SLC27A6: variants seen among roughly 807,000 people sequenced by gnomAD.
SLC27A6 encodes the protein solute carrier family 27 member 6.
SLC27A6 carries 74 observed loss-of-function variants against 63.9 expected under a neutral mutation model. That is an observed-to-expected ratio of 1.16 (90% CI 0.96 to 1.40). The LOEUF (loss-of-function observed/expected upper bound fraction) is 1.40. Among genes scored for constraint, SLC27A6 ranks in the 40% most tolerant of loss-of-function variants. SLC27A6 has a pLI of 0.00. For missense variants in SLC27A6, 794 were observed against 732.9 expected (o/e 1.08, Z -0.96); for synonymous variants, 287 against 260.8 (o/e 1.10, Z -0.97).
chr5:128,983,103 G>A (rs1284658967), intron 1 of SLC27A6, among the ~76,000 whole-genome samples: 1 of 152,050 alleles, frequency 6.6e-6, no homozygotes, highest in Non-Finnish European at 1.5e-5. Flanking sequence ...TTGGCCTTTT[G>A]AGGGAACCAG....
intron 1 of SLC27A6, among the ~76,000 whole-genome samples, chr5:128,983,294 T>G (rs1489252648): frequency 1.4e-5 from 2 of 147,704 alleles, no homozygotes; most frequent in Non-Finnish European, 3.0e-5. Context: ...TCCGGGTTTT[T>G]TTTTTTTTTT....
At chr5:128,972,527 C>T (rs1750213764) in intron 1 of SLC27A6, among the ~76,000 whole-genome samples, 1 of 152,164 alleles carries the variant, frequency 6.6e-6, no homozygotes, top group Admixed American at 6.5e-5. Context: ...GATCTTCAAT[C>T]ACTGATACCC....
Position 129,028,444 on chromosome 5 carries a change from T to C in SLC27A6, c.1552+2T>C. 1 of 1,539,454 alleles carries C rather than the reference T, an allele frequency of 6.5e-7. No individual in the cohort carries two copies. Among genetic ancestry groups the C allele is most frequent in the Non-Finnish European group, 8.9e-7 (1 of 1,119,948 alleles). ...ACGTCTATGGTGTGGCTATATCAGGTATAAATATATTTCAGATTTTGGAAA... is the reference window on the plus strand; with the variant it reads ...ACGTCTATGGTGTGGCTATATCAGGCATAAATATATTTCAGATTTTGGAAA... On this transcript the variant is annotated splice_donor_variant, in intron 8 of 9. Transcript: ENST00000262462. LOFTEE classifies it high-confidence loss of function.
rs1336644923 is a variant in SLC27A6 at position 128,974,254 on chromosome 5, T to C, written c.481+7636T>C. ...CTTTGCTTGCCAATAACTAATTGCA[T>C]TGTTTTCTTATTTTTGTTTTTAACA... On this transcript the variant is annotated intron_variant, in intron 1 of 9. Transcript: ENST00000262462. Among the ~76,000 whole-genome samples the C allele has an allele frequency of 2.0e-5, 3 of 152,170 alleles. No individual in the cohort carries two copies. The South Asian group carries it at 6.2e-4, about 31-fold the overall frequency.
At position 128,966,043 on chromosome 5, in the gene SLC27A6, G is replaced by C. The variant is rs12188886; in HGVS notation, c.-95G>C. On this transcript the variant is annotated 5_prime_UTR_variant, in exon 1 of 10. Coordinates refer to ENST00000262462, the MANE Select transcript of SLC27A6 (RefSeq NM_001017372.3). Reference sequence around the variant, plus strand: ...GAACTTCAGGTGTAAGCCCTGAGTAGTGAGGATCTGCGGTCTCCGTGGAGA... The same window carrying C: ...GAACTTCAGGTGTAAGCCCTGAGTACTGAGGATCTGCGGTCTCCGTGGAGA... 2.3e-3 allele frequency: 3,282 copies of C among 1,439,014 alleles called. 8 individuals carry two copies. Among genetic ancestry groups the C allele is most frequent in the Non-Finnish European group, 2.9e-3 (3,140 of 1,078,518 alleles). The allele number at this position is 1,439,014 out of a possible 1,614,324, so 89.1% of individuals were successfully genotyped here. A position where few individuals can be genotyped will look rare whatever the true frequency, so the allele number is the denominator to read the frequency against.
chr5:128,982,922 T>C (rs1397520375), intron 1 of SLC27A6, among the ~76,000 whole-genome samples: 1 of 152,206 alleles, frequency 6.6e-6, no homozygotes, highest in Non-Finnish European at 1.5e-5. Flanking sequence ...ATAATTTCTG[T>C]GTTGCCTTCT....
chr5:128,999,443 C>T (rs1335805537), intron 4 of SLC27A6, among the ~76,000 whole-genome samples: 5 of 152,016 alleles, frequency 3.3e-5, no homozygotes, highest in Non-Finnish European at 4.4e-5. Context: ...ACTCTTTACG[C>T]TATATTGTCA....
At chr5:128,979,086 G>A (rs77163713) in intron 1 of SLC27A6, among the ~76,000 whole-genome samples, 4,247 of 151,676 alleles carry the variant, frequency 0.028, 189 homozygotes, top group African/African-American at 0.097. Flanking sequence ...AGAATACCAG[G>A]ATCATAAAGT....
intron 1 of SLC27A6, among the ~76,000 whole-genome samples, chr5:128,977,538 G>C (rs1003644092): frequency 6.6e-6 from 1 of 152,142 alleles, no homozygotes. Flanking sequence ...AGCAGGAGGA[G>C]AAAGGAGGAA....
chr5:129,001,107 C>G (rs1384489738), intron 4 of SLC27A6, among the ~76,000 whole-genome samples: 1 of 152,186 alleles, frequency 6.6e-6, no homozygotes, highest in African/African-American at 2.4e-5. Flanking sequence ...CACCCAAACT[C>G]AGGCTTGAGT....
intron 3 of SLC27A6, among the ~76,000 whole-genome samples, chr5:128,989,986 A>C (rs560204573): frequency 1.3e-5 from 2 of 152,050 alleles, no homozygotes; most frequent in East Asian, 3.9e-4. Flanking sequence ...TAATATGTAT[A>C]TATTCCAGTT....
intron 2 of SLC27A6, among the ~76,000 whole-genome samples, chr5:128,986,601 T>C (rs73784807): frequency 6.6e-6 from 1 of 152,160 alleles, no homozygotes; most frequent in East Asian, 1.9e-4. Flanking sequence ...AGAACAGTTT[T>C]GATAAATGAA....
At chr5:128,977,320 C>T (rs1750423847) in intron 1 of SLC27A6, among the ~76,000 whole-genome samples, 1 of 152,124 alleles carries the variant, frequency 6.6e-6, no homozygotes, top group African/African-American at 2.4e-5. Context: ...CTTGAGGCTG[C>T]ATCAACATCT....
At chr5:129,013,800 G>A (rs1485737678) in intron 4 of SLC27A6, among the ~76,000 whole-genome samples, 2 of 151,830 alleles carry the variant, frequency 1.3e-5, no homozygotes, top group Non-Finnish European at 2.9e-5. Flanking sequence ...CCACTTGTAG[G>A]TATTTTTGGC....
intron 7 of SLC27A6, among the ~76,000 whole-genome samples, chr5:129,027,543 A>C (rs1752285430): frequency 6.6e-6 from 1 of 152,140 alleles, no homozygotes; most frequent in Non-Finnish European, 1.5e-5. Context: ...TTAGTGAATC[A>C]GTTTAGAACA....
intron 1 of SLC27A6, among the ~76,000 whole-genome samples, chr5:128,978,360 A>C (rs1414030535): frequency 6.6e-6 from 1 of 152,228 alleles, no homozygotes; most frequent in African/African-American, 2.4e-5. Flanking sequence ...ACCTTAAAAA[A>C]GTTACTTAAT....
Position 128,966,445 on chromosome 5 carries a change from A to C in SLC27A6, c.308A>C (p.Lys103Thr), listed in dbSNP as rs746231812. 6.2e-7 allele frequency: 1 copy of C among 1,606,968 alleles called. No individual in the cohort carries two copies. Among genetic ancestry groups the C allele is most frequent in the Non-Finnish European group, 8.5e-7 (1 of 1,176,914 alleles). The change falls in exon 1 of 10, where the codon AAA becomes ACA. Residue 103 changes from lysine (K) to threonine (T), a missense_variant. Transcript: ENST00000262462. Reference sequence around the variant, plus strand: ...GTCTTCCTGAACCATTCCTCTCTGAAAAAGGGGGACACGGTGGCTCTGCTG... The same window carrying C: ...GTCTTCCTGAACCATTCCTCTCTGACAAAGGGGGACACGGTGGCTCTGCTG... ...AHVFLNHSSL[K>T]KGDTVALLMS...
intron 1 of SLC27A6, among the ~76,000 whole-genome samples, chr5:128,981,500 A>G (rs540763267): frequency 1.1e-3 from 160 of 151,966 alleles, no homozygotes; most frequent in African/African-American, 3.5e-3. Context: ...AAAGAAAAAA[A>G]AATCCAGTTG....
At position 129,029,624 on chromosome 5, in the gene SLC27A6, A is replaced by G. The variant is rs1368262496; in HGVS notation, c.1600A>G (p.Thr534Ala). 1.3e-6 allele frequency: 2 copies of G among 1,597,174 alleles called. No individual in the cohort carries two copies. The highest frequency in any genetic ancestry group is 1.7e-6 in the Non-Finnish European group (2 of 1,170,916). ...GMASIILKPN[T>A]SLDLEKVYEQ... ...GGCTTCTATTATTTTAAAACCAAAT[A>G]CATCTTTAGATTTGGAAAAAGTTTA... The change falls in exon 9 of 10, where the codon ACA becomes GCA. Residue 534 changes from threonine (T) to alanine (A), a missense_variant. Physicochemically the swap from Thr to Ala is moderately conservative, Grantham distance 58. Coordinates refer to ENST00000262462, the MANE Select transcript of SLC27A6 (RefSeq NM_001017372.3).
Sources: gnomAD v4.1 joint callset for allele counts (sites outside exome capture counted in the v4.1 genomes callset) on GRCh38, gnomAD v4.1.1 for gene constraint, MANE v1.5 for transcripts, NCBI Gene and HGNC (gene_info 2026-07-23, HGNC 2026-07-21) for gene names.